Variants in PRKCA observed in about 807,000 individuals in gnomAD.
PRKCA encodes the protein protein kinase C alpha type.
PRKCA carries 27 observed loss-of-function variants against 87.0 expected under a neutral mutation model. That is an observed-to-expected ratio of 0.31 (90% CI 0.23 to 0.43). PRKCA has a LOEUF of 0.43. PRKCA is among the 20% of genes least tolerant of loss of function. The pLI, the probability that PRKCA is intolerant of heterozygous loss-of-function variation, is 1.00. For missense variants in PRKCA, 518 were observed against 852.3 expected, an observed-to-expected ratio of 0.61 and a Z score of 4.88; for synonymous variants, 329 against 311.1, an observed-to-expected ratio of 1.06 and a Z score of -0.61.
At chr17:66,593,243 T>C (rs1422638768) in intron 3 of PRKCA, among the ~76,000 whole-genome samples, 1 of 152,196 alleles carries the variant, frequency 6.6e-6, no homozygotes, top group African/African-American at 2.4e-5. Context: ...CATGTAGCAG[T>C]CCTTGGTGGG....
chr17:66,303,657 G>T (rs1489049898), intron 1 of PRKCA, among the ~76,000 whole-genome samples: 1 of 152,144 alleles, frequency 6.6e-6, no homozygotes, highest in Non-Finnish European at 1.5e-5. Context: ...TGCAGTGGGG[G>T]AGGGGGAGTT....
intron 8 of PRKCA, among the ~76,000 whole-genome samples, chr17:66,721,395 CA>C (rs55795871): frequency 0.47 from 45,959 of 98,186 alleles, 7,921 homozygotes; most frequent in Middle Eastern, 0.55. Flanking sequence ...GATTCCGTCT[CA>C]AAAAAAAAAA....
intron 3 of PRKCA, among the ~76,000 whole-genome samples, chr17:66,625,399 T>G (rs1056686377): frequency 6.6e-6 from 1 of 152,206 alleles, no homozygotes; most frequent in Non-Finnish European, 1.5e-5. Flanking sequence ...ACTCTGCTGG[T>G]GACAAACTTT....
chr17:66,484,170 G>T (rs982173012), intron 2 of PRKCA, among the ~76,000 whole-genome samples: 1 of 152,118 alleles, frequency 6.6e-6, no homozygotes, highest in Non-Finnish European at 1.5e-5. Flanking sequence ...TCACTACGAC[G>T]AGAACAGTAT....
At chr17:66,608,211 GC>G (rs1399598908) in intron 3 of PRKCA, among the ~76,000 whole-genome samples, 1 of 152,020 alleles carries the variant, frequency 6.6e-6, no homozygotes, top group East Asian at 1.9e-4. Context: ...ATTGGCTTTT[GC>G]TTTTGGAGCT....
intron 2 of PRKCA, among the ~76,000 whole-genome samples, chr17:66,425,678 A>T (rs1420365515): frequency 2.0e-5 from 3 of 152,232 alleles, no homozygotes; most frequent in Admixed American, 6.5e-5. Flanking sequence ...TAGCGATCTT[A>T]GAAAAGAATG....
chr17:66,450,353 A>G (rs879365012), intron 2 of PRKCA, among the ~76,000 whole-genome samples: 7 of 152,190 alleles, frequency 4.6e-5, no homozygotes, highest in Admixed American at 3.3e-4. Context: ...AGTAGGGGCA[A>G]TGGTACCGCA....
At chr17:66,423,310 A>G (rs1245136299) in intron 2 of PRKCA, among the ~76,000 whole-genome samples, 1 of 152,194 alleles carries the variant, frequency 6.6e-6, no homozygotes, top group African/African-American at 2.4e-5. Flanking sequence ...GTCTGATGCA[A>G]CCTTTTATGC....
At chr17:66,462,949 C>A (rs952145760) in intron 2 of PRKCA, among the ~76,000 whole-genome samples, 1 of 105,634 alleles carries the variant, frequency 9.5e-6, no homozygotes, top group African/African-American at 3.1e-5. Context: ...CACACACACA[C>A]ACACACACAC....
chr17:66,582,053 AGT>A, intron 3 of PRKCA, among the ~76,000 whole-genome samples: 1 of 152,328 alleles, frequency 6.6e-6, no homozygotes, highest in East Asian at 1.9e-4. Flanking sequence ...CTAGTTGGTC[AGT>A]GTCCAGGCTG....
chr17:66,776,499 G>A (rs567040496), intron 14 of PRKCA, among the ~76,000 whole-genome samples: 28 of 152,124 alleles, frequency 1.8e-4, no homozygotes, highest in Admixed American at 1.6e-3. Context: ...TAGTAAAGAC[G>A]GGGTTTCACC....
chr17:66,462,624 T>C (rs73996217), intron 2 of PRKCA, among the ~76,000 whole-genome samples: 9,686 of 152,188 alleles, frequency 0.064, 1,024 homozygotes, highest in African/African-American at 0.22. Context: ...GAATAGTGCT[T>C]ATGTCCATTT....
chr17:66,428,177 G>A (rs765031618), intron 2 of PRKCA, among the ~76,000 whole-genome samples: 1 of 152,170 alleles, frequency 6.6e-6, no homozygotes, highest in Non-Finnish European at 1.5e-5. Context: ...TTGCATGAAG[G>A]TTGTAGGCAC....
At chr17:66,457,345 G>T (rs904163468) in intron 2 of PRKCA, among the ~76,000 whole-genome samples, 8 of 152,096 alleles carry the variant, frequency 5.3e-5, no homozygotes, top group African/African-American at 1.9e-4. Flanking sequence ...GGGGATGGTC[G>T]TGGAGCCTGG....
intron 3 of PRKCA, among the ~76,000 whole-genome samples, chr17:66,608,147 T>G (rs1206069788): frequency 1.3e-5 from 2 of 151,636 alleles, no homozygotes; most frequent in Non-Finnish European, 2.9e-5. Flanking sequence ...GCACACCGAT[T>G]GGAGCACACT....
chr17:66,377,143 A>C (rs1370097182), intron 2 of PRKCA, among the ~76,000 whole-genome samples: 1 of 152,088 alleles, frequency 6.6e-6, no homozygotes, highest in African/African-American at 2.4e-5. Context: ...TTCCTGCCTC[A>C]GCCTCCCAAG....
chr17:66,661,350 G>A (rs59346326), intron 5 of PRKCA, among the ~76,000 whole-genome samples: 2 of 152,186 alleles, frequency 1.3e-5, no homozygotes, highest in African/African-American at 4.8e-5. Context: ...ATAGTGAGAA[G>A]CAGACAAAAC....
chr17:66,618,715 G>A (rs890495359), intron 3 of PRKCA, among the ~76,000 whole-genome samples: 8 of 152,148 alleles, frequency 5.3e-5, no homozygotes, highest in African/African-American at 1.7e-4. Context: ...AAGCGATTTC[G>A]TATTCTGGGA....
intron 2 of PRKCA, among the ~76,000 whole-genome samples, chr17:66,441,716 A>G (rs1913774292): frequency 6.6e-6 from 1 of 152,106 alleles, no homozygotes; most frequent in Non-Finnish European, 1.5e-5. Flanking sequence ...GCCAGTTTTC[A>G]TGTTTTTGTT....
Sources: gnomAD v4.1 joint callset for allele counts (sites outside exome capture counted in the v4.1 genomes callset) on GRCh38, gnomAD v4.1.1 for gene constraint, MANE v1.5 for transcripts, NCBI Gene and HGNC (gene_info 2026-07-23, HGNC 2026-07-21) for gene names.